ANKS1B: variants seen among roughly 807,000 people sequenced by gnomAD.
ANKS1B encodes the protein ankyrin repeat and sterile alpha motif domain-containing protein 1B.
In ANKS1B, 36 loss-of-function variants were observed where a neutral mutation model predicts 148.3. The ratio of observed to expected loss-of-function variants is 0.24; its 90% CI spans 0.19 to 0.32. The LOEUF is 0.32. Ranked by LOEUF, ANKS1B falls within the 10% of genes least tolerant of loss-of-function variation. The pLI, the probability that ANKS1B is intolerant of heterozygous loss-of-function variation, is 1.00. For synonymous variants in ANKS1B, 542 were observed against 560.8 expected (o/e 0.97, Z 0.47); for missense variants, 1,157 against 1,542.6 (o/e 0.75, Z 4.19).
intron 15 of ANKS1B, among the ~76,000 whole-genome samples, chr12:99,124,419 T>TGTGTGTGTGTGTGTGTGTGG (rs1555273713): frequency 9.9e-5 from 2 of 20,212 alleles, no homozygotes; most frequent in African/African-American, 3.2e-4. Flanking sequence ...TTTGTGTGCA[T>TGTGTGTGTGTGTGTGTGTGG]GTGTGTGTGT....
intron 17 of ANKS1B, among the ~76,000 whole-genome samples, chr12:99,013,338 C>T (rs2099940562): frequency 6.6e-6 from 1 of 152,016 alleles, no homozygotes; most frequent in South Asian, 2.1e-4. Context: ...GATGCCCTCT[C>T]TTACCACTCC....
At chr12:98,832,718 T>C (rs1375291228) in intron 17 of ANKS1B, among the ~76,000 whole-genome samples, 1 of 152,112 alleles carries the variant, frequency 6.6e-6, no homozygotes, top group Non-Finnish European at 1.5e-5. Flanking sequence ...CGCCTCCTTA[T>C]TGAAGAAGCC....
intron 1 of ANKS1B, among the ~76,000 whole-genome samples, chr12:99,979,846 C>A (rs1240020420): frequency 4.0e-5 from 6 of 151,880 alleles, no homozygotes; most frequent in African/African-American, 7.2e-5. Flanking sequence ...GGTAGAAATA[C>A]CATGAGTAAA....
At chr12:98,992,970 G>C (rs570081685) in intron 17 of ANKS1B, among the ~76,000 whole-genome samples, 87 of 152,206 alleles carry the variant, frequency 5.7e-4, no homozygotes, top group Middle Eastern at 3.4e-3. Flanking sequence ...GGCTTTAAAG[G>C]CTATGAGGGA....
intron 8 of ANKS1B, among the ~76,000 whole-genome samples, chr12:99,736,021 C>T (rs1042160044): frequency 1.3e-5 from 2 of 151,570 alleles, no homozygotes; most frequent in Admixed American, 6.6e-5. Context: ...ATGATATGAT[C>T]ATTGATAGAT....
At chr12:99,664,147 G>A (rs995724928) in intron 8 of ANKS1B, among the ~76,000 whole-genome samples, 1 of 150,560 alleles carries the variant, frequency 6.6e-6, no homozygotes, top group Non-Finnish European at 1.5e-5. Flanking sequence ...ACCTTAGAAA[G>A]TTTAAACTTT....
chr12:99,444,198 A>C (rs1318422981), intron 10 of ANKS1B, among the ~76,000 whole-genome samples: 1 of 152,014 alleles, frequency 6.6e-6, no homozygotes, highest in Non-Finnish European at 1.5e-5. Context: ...AATGAGTATT[A>C]ATATTTATTA....
chr12:99,028,152 A>C (rs1408112022), intron 17 of ANKS1B, among the ~76,000 whole-genome samples: 2 of 152,264 alleles, frequency 1.3e-5, no homozygotes, highest in Admixed American at 6.5e-5. Flanking sequence ...AAATTAATAC[A>C]TGGAAAGCAA....
Position 99,900,505 on chromosome 12 carries a change from CA to C in ANKS1B, c.135-75117del, listed in dbSNP as rs71303560. ...TGGGCGACAGAGTGAGACTCCATCTCAAAAAAAAAAAAAAAAAAAAAAACTA... is the reference window on the plus strand; with the variant it reads ...TGGGCGACAGAGTGAGACTCCATCTCAAAAAAAAAAAAAAAAAAAAAACTA... On this transcript the variant is annotated intron_variant, in intron 1 of 26. Coordinates refer to ENST00000683438, the MANE Select transcript of ANKS1B (RefSeq NM_001352186.2). Among the ~76,000 whole-genome samples, 659 of 70,666 alleles carry C rather than the reference CA, an allele frequency of 9.3e-3. 1 individual carries two copies. Among genetic ancestry groups the C allele is most frequent in the Admixed American group, 0.012 (70 of 5,838 alleles). The allele number at this position is 70,666 out of a possible 152,430, so 46.4% of individuals were successfully genotyped here.
chr12:99,027,503 T>C (rs2099949446), intron 17 of ANKS1B, among the ~76,000 whole-genome samples: 1 of 152,220 alleles, frequency 6.6e-6, no homozygotes, highest in Admixed American at 6.5e-5. Context: ...TCAAATGACT[T>C]GATAAACAGT....
intron 8 of ANKS1B, among the ~76,000 whole-genome samples, chr12:99,668,885 T>TCAC (rs1436837383): frequency 1.3e-5 from 2 of 152,178 alleles, no homozygotes; most frequent in African/African-American, 4.8e-5. Flanking sequence ...ATTTTCCATT[T>TCAC]CACCAATCGT....
At chr12:98,766,949 G>A (rs1054775009) in intron 25 of ANKS1B, among the ~76,000 whole-genome samples, 6 of 151,478 alleles carry the variant, frequency 4.0e-5, no homozygotes, top group Admixed American at 1.3e-4. Flanking sequence ...GGCACTACAT[G>A]TGTGTGCCAC....
chr12:98,967,817 T>C (rs2099879835), intron 17 of ANKS1B, among the ~76,000 whole-genome samples: 1 of 150,266 alleles, frequency 6.7e-6, no homozygotes, highest in Admixed American at 6.6e-5. Flanking sequence ...CAGTCCTTTA[T>C]CAAAATGCCT....
chr12:98,743,214 CCAAA>C (rs889513923), downstream of ANKS1B, among the ~76,000 whole-genome samples: 2 of 152,102 alleles, frequency 1.3e-5, no homozygotes, highest in African/African-American at 4.8e-5. Flanking sequence ...TCCATCTTAT[CCAAA>C]CAAACATTGA....
intron 8 of ANKS1B, among the ~76,000 whole-genome samples, chr12:99,666,541 G>A (rs1349817533): frequency 6.6e-6 from 1 of 151,114 alleles, no homozygotes; most frequent in East Asian, 1.9e-4. Flanking sequence ...ATTTGTAGGG[G>A]TGGTATATCT....
intron 17 of ANKS1B, among the ~76,000 whole-genome samples, chr12:98,964,920 C>T (rs1390879692): frequency 1.3e-5 from 2 of 151,944 alleles, no homozygotes; most frequent in East Asian, 3.9e-4. Flanking sequence ...GATAGCACAA[C>T]AGGTTAACTA....
intron 14 of ANKS1B, among the ~76,000 whole-genome samples, chr12:99,187,347 G>A (rs1470988686): frequency 6.6e-6 from 1 of 151,996 alleles, no homozygotes; most frequent in Admixed American, 6.6e-5. Context: ...ACACCATGAA[G>A]GTACTCCTTC....
At chr12:99,180,525 G>A (rs1017197656) in intron 14 of ANKS1B, among the ~76,000 whole-genome samples, 2 of 151,944 alleles carry the variant, frequency 1.3e-5, no homozygotes, top group African/African-American at 4.8e-5. Flanking sequence ...CACTGTTGGA[G>A]GTTTGTTTCT....
chr12:99,976,589 C>A (rs2095632527), intron 1 of ANKS1B, among the ~76,000 whole-genome samples: 1 of 152,126 alleles, frequency 6.6e-6, no homozygotes, highest in Admixed American at 6.6e-5. Context: ...CAAGTCTAAG[C>A]AGTTTGTTTC....
Sources: gnomAD v4.1 joint callset for allele counts (sites outside exome capture counted in the v4.1 genomes callset) on GRCh38, gnomAD v4.1.1 for gene constraint, MANE v1.5 for transcripts, NCBI Gene and HGNC (gene_info 2026-07-23, HGNC 2026-07-21) for gene names.